Variants in PPP2CB observed in about 807,000 individuals in gnomAD.
PPP2CB encodes serine/threonine-protein phosphatase 2A catalytic subunit beta isoform.
PPP2CB carries 18 observed loss-of-function variants against 39.1 expected under a neutral mutation model. That is an observed-to-expected ratio of 0.46 (90% CI 0.32 to 0.68). The LOEUF (loss-of-function observed/expected upper bound fraction) is 0.68. Among genes scored for constraint, PPP2CB ranks in the 30% least tolerant of loss-of-function variants. The pLI is 0.04. For synonymous variants in PPP2CB, 129 were observed against 133.8 expected (o/e 0.96, Z 0.25); for missense variants, 226 against 396.9 (o/e 0.57, Z 3.66).
intron 1 of PPP2CB, among the ~76,000 whole-genome samples, chr8:30,812,055 C>T (rs1321877465): frequency 6.6e-6 from 1 of 152,156 alleles, no homozygotes; most frequent in Non-Finnish European, 1.5e-5. Flanking sequence ...CCCCGCCCGT[C>T]CGCACCCGAG....
chr8:30,791,878 G>A (rs1806437538), intron 5 of PPP2CB, among the ~76,000 whole-genome samples: 1 of 151,442 alleles, frequency 6.6e-6, no homozygotes, highest in Non-Finnish European at 1.5e-5. Context: ...ATATGTGTGT[G>A]CATATATGTA....
chr8:30,797,846 C>T lies in PPP2CB; in HGVS notation c.313-92G>A, dbSNP rs537963217. 1,399 of 1,261,386 alleles carry T rather than the reference C, an allele frequency of 1.1e-3. 2 individuals are homozygous for T. Among genetic ancestry groups the T allele is most frequent in the Non-Finnish European group, 1.4e-3 (1,323 of 916,954 alleles). 78.1% of individuals were successfully genotyped at this position (1,261,386 alleles called of 1,614,324 possible). The stretch of plus-strand genomic sequence containing the variant: ...GTCTCTGACCCATTTTTAAACACGG[C>T]GCTTTTGGCCACCAGTATATTAAAT... On this transcript the variant is annotated intron_variant, in intron 2 of 6. Coordinates refer to ENST00000221138, the MANE Select transcript of PPP2CB (RefSeq NM_001009552.2).
At chr8:30,811,650 C>G (rs1350066557) in intron 1 of PPP2CB, among the ~76,000 whole-genome samples, 1 of 151,888 alleles carries the variant, frequency 6.6e-6, no homozygotes, top group Non-Finnish European at 1.5e-5. Flanking sequence ...CACCCGCCGT[C>G]ACACCCTGCT....
rs973272379 is a variant in PPP2CB, at chr8:30,812,478, T to G, written c.-57A>C. The stretch of plus-strand genomic sequence containing the variant: ...CCAGCCCGGCCGCCGCCCTCCCCCC[T>G]CCCCACCCGCCCCCGGCCCCGGCCC... On this transcript the variant is annotated 5_prime_UTR_variant, in exon 1 of 7. Coordinates refer to ENST00000221138, the MANE Select transcript of PPP2CB (RefSeq NM_001009552.2). 3.5e-5 allele frequency: 34 copies of G among 970,020 alleles called. No homozygotes were observed. The highest frequency in any genetic ancestry group is 1.5e-4 in the East Asian group (2 of 13,370). 60.1% of individuals were successfully genotyped at this position (970,020 alleles called of 1,614,324 possible).
At position 30,812,607 on chromosome 8, in the gene PPP2CB, AG is replaced by A. The variant is rs1806861940; in HGVS notation, c.-187del. 1 of 347,864 alleles carries A rather than the reference AG, an allele frequency of 2.9e-6. No individual in the cohort carries two copies. Among genetic ancestry groups the A allele is most frequent in the South Asian group, 8.3e-5 (1 of 12,038 alleles). The allele number at this position is 347,864 out of a possible 1,614,324, so 21.5% of individuals were successfully genotyped here. A position where few individuals can be genotyped will look rare whatever the true frequency, so the allele number is the denominator to read the frequency against. On this transcript the variant is annotated 5_prime_UTR_variant, in exon 1 of 7. Transcript: ENST00000221138. ...GCCCCGCGCCCCGCCCAAGCCCAGC[AG>A]GCGGCTCCGAGCGCGCAGCCTGGAG...
intron 5 of PPP2CB, among the ~76,000 whole-genome samples, chr8:30,791,921 C>A (rs1052984196): frequency 6.6e-6 from 1 of 151,128 alleles, no homozygotes; most frequent in Non-Finnish European, 1.5e-5. Flanking sequence ...TATACATACA[C>A]GTATATATGT....
At chr8:30,791,826 GTA>G (rs914726292) in intron 5 of PPP2CB, among the ~76,000 whole-genome samples, 3 of 151,356 alleles carry the variant, frequency 2.0e-5, no homozygotes, top group Non-Finnish European at 2.9e-5. Flanking sequence ...GCTAATTAAT[GTA>G]TGTGTATATA....
intron 1 of PPP2CB, among the ~76,000 whole-genome samples, chr8:30,802,365 G>C (rs1806641171): frequency 6.6e-6 from 1 of 152,068 alleles, no homozygotes; most frequent in African/African-American, 2.4e-5. Context: ...TGCATATGAA[G>C]AACATGGCTG....
chr8:30,796,011 G>A (rs1291863909), intron 3 of PPP2CB, among the ~76,000 whole-genome samples: 2 of 152,092 alleles, frequency 1.3e-5, no homozygotes, highest in African/African-American at 2.4e-5. Flanking sequence ...CTCTACTAAC[G>A]CACCCATTTT....
chr8:30,793,134 G>A (rs146692181), intron 5 of PPP2CB: 101 of 152,266 alleles, frequency 6.6e-4, no homozygotes, highest in African/African-American at 2.4e-3. Flanking sequence ...TACAATGCAC[G>A]GAGGAGGACA....
intron 5 of PPP2CB, among the ~76,000 whole-genome samples, chr8:30,792,791 C>T (rs1806460403): frequency 6.6e-6 from 1 of 152,064 alleles, no homozygotes; most frequent in South Asian, 2.1e-4. Flanking sequence ...CAAATAACAG[C>T]TAAATTTTGA....
intron 6 of PPP2CB, among the ~76,000 whole-genome samples, chr8:30,786,726 C>T (rs992778296): frequency 1.1e-4 from 16 of 147,828 alleles, no homozygotes; most frequent in African/African-American, 3.5e-4. Context: ...TGCACTGGCA[C>T]GATCTCGGCT....
At chr8:30,799,224 A>T (rs1039770084) in intron 2 of PPP2CB, among the ~76,000 whole-genome samples, 1 of 152,220 alleles carries the variant, frequency 6.6e-6, no homozygotes, top group African/African-American at 2.4e-5. Flanking sequence ...AACTGTGTGA[A>T]AATAGAAAGA....
In PPP2CB at chr8:30,786,121, A is replaced by T; in HGVS notation, c.*114T>A. On this transcript the variant is annotated 3_prime_UTR_variant, in exon 7 of 7. Coordinates refer to ENST00000221138, the MANE Select transcript of PPP2CB (RefSeq NM_001009552.2). ...ATGATGTGGTTTAATGCCAAGACAGATCCCAATTTGTTACAGAAACACATA... is the reference window on the plus strand; with the variant it reads ...ATGATGTGGTTTAATGCCAAGACAGTTCCCAATTTGTTACAGAAACACATA... The T allele has an allele frequency of 1.1e-6, 1 of 943,810 alleles. No homozygotes were observed. The highest frequency in any genetic ancestry group is 1.6e-6 in the Non-Finnish European group (1 of 616,562). 58.5% of individuals were successfully genotyped at this position (943,810 alleles called of 1,614,324 possible). A position where few individuals can be genotyped will look rare whatever the true frequency, so the allele number is the denominator to read the frequency against.
chr8:30,794,300 A>C lies in PPP2CB; in HGVS notation c.487-19T>G. 1 of 1,579,320 alleles carries C rather than the reference A, an allele frequency of 6.3e-7. No individual in the cohort carries two copies. Among genetic ancestry groups the C allele is most frequent in the Admixed American group, 1.7e-5 (1 of 59,128 alleles). On this transcript the variant is annotated intron_variant, in intron 3 of 6. Transcript: ENST00000221138. ...AGAATATCTATGTATGAATTAACAA[A>C]AGAGAATGTATTTGTTTTACTAACT...
chr8:30,808,922 CTTT>C (rs34287210), intron 1 of PPP2CB, among the ~76,000 whole-genome samples: 197 of 116,734 alleles, frequency 1.7e-3, no homozygotes, highest in African/African-American at 7.1e-3. Flanking sequence ...TTTACATGGC[CTTT>C]TTTTTTTTTT....
intron 5 of PPP2CB, 119 bp downstream of exon 5, chr8:30,793,798 T>A: frequency 8.3e-7 from 1 of 1,199,474 alleles, no homozygotes; most frequent in Non-Finnish European, 1.1e-6. Flanking sequence ...CAGCAAGTTT[T>A]TCCTCTTTTC....
At chr8:30,812,131 G>C (rs1806842658) in intron 1 of PPP2CB, among the ~76,000 whole-genome samples, 189 bp downstream of exon 1, 1 of 152,028 alleles carries the variant, frequency 6.6e-6, no homozygotes, top group Admixed American at 6.5e-5. Context: ...GGGCAGGCGA[G>C]GGCAGCCCAA....
intron 1 of PPP2CB, among the ~76,000 whole-genome samples, 182 bp downstream of exon 1, chr8:30,812,138 C>A (rs1246823638): frequency 6.6e-6 from 1 of 152,020 alleles, no homozygotes; most frequent in Non-Finnish European, 1.5e-5. Context: ...CGAGGGCAGC[C>A]CAACGCCCCG....
Sources: gnomAD v4.1 joint callset for allele counts (sites outside exome capture counted in the v4.1 genomes callset) on GRCh38, gnomAD v4.1.1 for gene constraint, MANE v1.5 for transcripts, NCBI Gene and HGNC (gene_info 2026-07-23, HGNC 2026-07-21) for gene names.